Variants in RP1L1 observed in about 807,000 individuals in gnomAD.
RP1L1 encodes RP1 like 1, also known as retinitis pigmentosa 1-like 1 protein.
Under a neutral mutation model 15.7 loss-of-function variants are expected in RP1L1, and 27 were observed. That is an observed-to-expected ratio of 1.72 (90% confidence interval 1.27 to 2.38). RP1L1 has a LOEUF of 2.38. Ranked by LOEUF, RP1L1 falls within the 30% of genes most tolerant of loss-of-function variation. RP1L1 has a pLI of 0.00. For synonymous variants in RP1L1, 1,813 were observed against 1,276.7 expected, an observed-to-expected ratio of 1.42 and a Z score of -8.96; for missense variants, 4,798 against 3,075.9, an observed-to-expected ratio of 1.56 and a Z score of -13.24.
Position 10,612,357 on chromosome 8 carries a change from G to C in RP1L1, c.1741C>G (p.Leu581Val). 2 of 1,613,102 alleles carry C rather than the reference G, an allele frequency of 1.2e-6. No homozygotes were observed. Among genetic ancestry groups the C allele is most frequent in the Non-Finnish European group, 1.7e-6 (2 of 1,180,038 alleles). ...GGDPASPALSLSSLRSDDLQA... is the reference protein window; with the variant it reads ...GGDPASPALSVSSLRSDDLQA... ...AGGTCGTCACTCCTTAAAGATGAAA[G>C]ACTCAGGGCTGGAGAAGCGGGGTCG... Residue 581 changes from leucine (L) to valine (V), a missense_variant, in exon 4 of 4, where the codon CTT (leucine) becomes GTT (valine). By Grantham distance (32) the Leu-to-Val change is conservative. Transcript: ENST00000382483.
rs958889956 is a variant in RP1L1 at position 10,607,242 on chromosome 8, C to G, written c.6856G>C (p.Asp2286His). Residue 2286 changes from aspartate (D) to histidine (H), a missense_variant, in exon 4 of 4, where the codon GAC becomes CAC. Asp to His is a moderately conservative substitution (Grantham distance 81, BLOSUM62 -1). Transcript: ENST00000382483. The stretch of plus-strand genomic sequence containing the variant: ...GAGCCTGGCCTTTGGTGGGGAGTGT[C>G]TCCACCTGGGGAAGGGGGTGGAGTG... ...RPTPPPSPGG[D>H]TPHQRPGSQT... The G allele has an allele frequency of 3.7e-6, 6 of 1,614,058 alleles. No homozygotes were observed. The highest frequency in any genetic ancestry group is 2.2e-5 in the East Asian group (1 of 44,896).
chr8:10,637,157 A>C (rs1336333483), intron 1 of RP1L1, among the ~76,000 whole-genome samples: 1 of 152,182 alleles, frequency 6.6e-6, no homozygotes, highest in African/African-American at 2.4e-5. Flanking sequence ...CTTCCTGGTC[A>C]GGTTCCCGGA....
intron 1 of RP1L1, among the ~76,000 whole-genome samples, chr8:10,623,497 CACCAT>C (rs1563131803): frequency 1.3e-4 from 4 of 29,698 alleles, no homozygotes; most frequent in Non-Finnish European, 3.7e-4. Context: ...CCTTCAGAGT[CACCAT>C]GTCCCCAGAA....
At chr8:10,646,665 G>T (rs1798483172) in intron 1 of RP1L1, among the ~76,000 whole-genome samples, 1 of 152,054 alleles carries the variant, frequency 6.6e-6, no homozygotes, top group Non-Finnish European at 1.5e-5. Flanking sequence ...CCAGGGCCTA[G>T]GAAGGGCCTC....
chr8:10,652,394 T>C (rs1586008023), intron 1 of RP1L1, among the ~76,000 whole-genome samples: 1 of 152,174 alleles, frequency 6.6e-6, no homozygotes, highest in East Asian at 1.9e-4. Flanking sequence ...TGATCCATCA[T>C]GAGTGGTGGA....
intron 2 of RP1L1, among the ~76,000 whole-genome samples, chr8:10,619,515 G>A (rs977174679): frequency 6.6e-6 from 1 of 152,122 alleles, no homozygotes; most frequent in South Asian, 2.1e-4. Flanking sequence ...AGACATCCCT[G>A]ACAGGTTGGT....
chr8:10,646,653 G>A (rs1798482992), intron 1 of RP1L1, among the ~76,000 whole-genome samples: 1 of 152,072 alleles, frequency 6.6e-6, no homozygotes, highest in African/African-American at 2.4e-5. Flanking sequence ...CCCCTCTAAA[G>A]TCCAGGGCCT....
chr8:10,609,188 G>C lies in RP1L1; in HGVS notation c.4910C>G (p.Pro1637Arg). The C allele has an allele frequency of 6.2e-7, 1 of 1,611,622 alleles. No individual in the cohort carries two copies. Among genetic ancestry groups the C allele is most frequent in the Non-Finnish European group, 8.5e-7 (1 of 1,179,532 alleles). ...GCTCCCCAGGGCTGTGCTGAGGGCT[G>C]GCTCGTCCTCCAGGGTGAAGGAGAG... is the stretch of plus-strand genomic sequence containing the variant. ...GPLSFTLEDE[P>R]ALSTALGSQL... The change falls in exon 4 of 4, where the codon CCA (proline) becomes CGA (arginine). Residue 1637 changes from proline (P) to arginine (R), a missense_variant. By Grantham distance (103) the Pro-to-Arg change is moderately radical. Transcript: ENST00000382483.
At chr8:10,626,229 G>A (rs1798155288) in intron 1 of RP1L1, among the ~76,000 whole-genome samples, 1 of 139,816 alleles carries the variant, frequency 7.2e-6, no homozygotes, top group Admixed American at 7.9e-5. Context: ...CAGGAACAGA[G>A]TGAATAGCGG....
Position 10,612,883 on chromosome 8 carries a change from A to C in RP1L1, c.1215T>G (p.Tyr405Ter), listed in dbSNP as rs902876049. Residue 405 changes from tyrosine (Y) to a stop codon, truncating the protein, a stop_gained, in exon 4 of 4, where the codon TAT becomes TAG. Transcript: ENST00000382483. LOFTEE classifies it low-confidence loss of function (END_TRUNC). ...FGRGGQPGPK[Y>*]EIWTNPLHAS... ...CATGCAGGGGATTCGTCCAGATTTCATACTTGGGCCCTGGCTGCCCGCCTC... is the reference window on the plus strand; with the variant it reads ...CATGCAGGGGATTCGTCCAGATTTCCTACTTGGGCCCTGGCTGCCCGCCTC... 25 of 1,612,414 alleles carry C rather than the reference A, an allele frequency of 1.6e-5. No individual in the cohort carries two copies. The highest frequency in any genetic ancestry group is 2.0e-5 in the Non-Finnish European group (24 of 1,179,854).
At chr8:10,653,421 G>T (rs921476634) in intron 1 of RP1L1, among the ~76,000 whole-genome samples, 3 of 151,450 alleles carry the variant, frequency 2.0e-5, no homozygotes, top group African/African-American at 7.3e-5. Context: ...GTGACTGCAG[G>T]TCCAGGGATC....
At chr8:10,630,738 T>G (rs1308068429) in intron 1 of RP1L1, among the ~76,000 whole-genome samples, 1 of 152,196 alleles carries the variant, frequency 6.6e-6, no homozygotes, top group African/African-American at 2.4e-5. Context: ...CACAAAGAAG[T>G]GAATTTTTTC....
chr8:10,641,337 C>G (rs1798403739), intron 1 of RP1L1, among the ~76,000 whole-genome samples: 1 of 152,204 alleles, frequency 6.6e-6, no homozygotes, highest in South Asian at 2.1e-4. Context: ...ATCTACAAGA[C>G]AGCGACCCCT....
At chr8:10,621,474 C>T (rs4336568) in intron 2 of RP1L1, 139,785 of 312,260 alleles carry the variant, frequency 0.45, 32,085 homozygotes, top group Non-Finnish European at 0.48. Context: ...TACAGGTGTG[C>T]GCCAACACAC....
chr8:10,644,114 G>A (rs1231512214), intron 1 of RP1L1, among the ~76,000 whole-genome samples: 2 of 151,962 alleles, frequency 1.3e-5, no homozygotes, highest in African/African-American at 2.4e-5. Flanking sequence ...TTGAAAGCTT[G>A]AGCTCTGCCC....
At position 10,608,914 on chromosome 8, in the gene RP1L1, T is replaced by C. The variant is rs1797768584; in HGVS notation, c.5184A>G (p.Gly1728=). ...TSTRTVQGAE[G]GLGPGLSQGP... is the part of the protein sequence containing the mutation. The stretch of plus-strand genomic sequence containing the variant: ...CCTGGCTCAGCCCCGGCCCCAGCCC[T>C]CCCTCAGCTCCCTGGACAGTCCTAG... Residue 1728 remains glycine, a synonymous_variant, in exon 4 of 4, where the codon GGA becomes GGG. Coordinates refer to ENST00000382483, the MANE Select transcript of RP1L1 (RefSeq NM_178857.6). 1.9e-6 allele frequency: 3 copies of C among 1,613,714 alleles called. No homozygotes were observed. The highest frequency in any genetic ancestry group is 1.7e-4 in the Middle Eastern group (1 of 6,060).
At chr8:10,647,114 G>A (rs1027398046) in intron 1 of RP1L1, among the ~76,000 whole-genome samples, 1 of 152,218 alleles carries the variant, frequency 6.6e-6, no homozygotes, top group Admixed American at 6.5e-5. Flanking sequence ...AGAACTCCCT[G>A]TAAAAGTGGC....
chr8:10,633,699 C>A lies in RP1L1; in HGVS notation c.-19-10479G>T, dbSNP rs74678925. Among the ~76,000 whole-genome samples the A allele has an allele frequency of 5.1e-4, 78 of 152,234 alleles. No individual in the cohort carries two copies. The East Asian group carries it at 0.015, about 29-fold the overall frequency. ...CCAGGAGGACAGCAAACCTCCAGGG[C>A]GTGACTGAAGCTGCCCTGGAACGTT... is the stretch of plus-strand genomic sequence containing the variant. On this transcript the variant is annotated intron_variant, in intron 1 of 3. Transcript: ENST00000382483.
In RP1L1 at chr8:10,611,673, G is replaced by A. The variant is rs2117203000; in HGVS notation, c.2425C>T (p.Gln809Ter). 6.2e-7 allele frequency: 1 copy of A among 1,613,370 alleles called. No homozygotes were observed. Among genetic ancestry groups the A allele is most frequent in the African/African-American group, 1.3e-5 (1 of 75,066 alleles). The change falls in exon 4 of 4, where the codon CAG (glutamine) becomes TAG (stop). Residue 809 changes from glutamine (Q) to a stop codon, truncating the protein, a stop_gained. Transcript: ENST00000382483. LOFTEE classifies it low-confidence loss of function (END_TRUNC). ...GCCCCTTGCTCAGGCCGTCCAACCTGCAGAACCAAGGGTGAGGAGGGCTGA... is the reference window on the plus strand; with the variant it reads ...GCCCCTTGCTCAGGCCGTCCAACCTACAGAACCAAGGGTGAGGAGGGCTGA... ...TPQPSSPLVL[Q>*]VGRPEQGAVG...
Sources: gnomAD v4.1 joint callset for allele counts (sites outside exome capture counted in the v4.1 genomes callset) on GRCh38, gnomAD v4.1.1 for gene constraint, MANE v1.5 for transcripts, NCBI Gene and HGNC (gene_info 2026-07-23, HGNC 2026-07-21) for gene names.